AP3S1: variants seen among roughly 807,000 people sequenced by gnomAD.
AP3S1 encodes the protein AP-3 complex subunit sigma-1.
A neutral mutation model predicts 21.3 loss-of-function variants in AP3S1; 12 were observed. The ratio of observed to expected loss-of-function variants is 0.56; its 90% confidence interval spans 0.36 to 0.91. The LOEUF is 0.91. Ranked by LOEUF, AP3S1 falls within the 40% of genes least tolerant of loss-of-function variation. AP3S1 has a pLI of 0.01. For synonymous variants in AP3S1, 48 were observed against 78.4 expected (o/e 0.61, Z 2.05); for missense variants, 116 against 225.0 (o/e 0.52, Z 3.10).
intron 5 of AP3S1, among the ~76,000 whole-genome samples, chr5:115,908,210 C>T (rs1279787753): frequency 6.6e-6 from 1 of 152,126 alleles, no homozygotes; most frequent in African/African-American, 2.4e-5. Flanking sequence ...ATAGAGAATA[C>T]ATAGTAGTCT....
At chr5:115,900,544 T>C (rs968812776) in intron 4 of AP3S1, among the ~76,000 whole-genome samples, 4 of 152,248 alleles carry the variant, frequency 2.6e-5, no homozygotes, top group Non-Finnish European at 5.9e-5. Flanking sequence ...TGATTCCTTT[T>C]TGTTGGCGAT....
At chr5:115,907,901 A>G (rs1751782658) in intron 5 of AP3S1, among the ~76,000 whole-genome samples, 1 of 152,164 alleles carries the variant, frequency 6.6e-6, no homozygotes, top group Admixed American at 6.5e-5. Flanking sequence ...AAGGTCTCTG[A>G]TTGAAAATTT....
At chr5:115,897,660 C>G (rs936179337) in intron 4 of AP3S1, among the ~76,000 whole-genome samples, 1 of 151,814 alleles carries the variant, frequency 6.6e-6, no homozygotes, top group Non-Finnish European at 1.5e-5. Context: ...CCCAGGTTCA[C>G]TCCATTCTCC....
intron 3 of AP3S1, among the ~76,000 whole-genome samples, chr5:115,889,079 T>C (rs913787886): frequency 2.6e-5 from 4 of 152,156 alleles, no homozygotes; most frequent in Admixed American, 2.0e-4. Flanking sequence ...CCATGTTTTT[T>C]ACCACTCCAT....
chr5:115,913,330 T>G, intron 5 of AP3S1, 32 bp from the exon 6 acceptor site: 2 of 1,582,364 alleles, frequency 1.3e-6, no homozygotes, highest in South Asian at 1.2e-5. Flanking sequence ...AGTTGTACAT[T>G]TTCTTTTTCT....
chr5:115,880,104 T>C (rs1749139736), intron 3 of AP3S1, among the ~76,000 whole-genome samples: 1 of 152,338 alleles, frequency 6.6e-6, no homozygotes, highest in Admixed American at 6.5e-5. Flanking sequence ...TTCTTCTTTA[T>C]TAGTCTGGCT....
intron 3 of AP3S1, among the ~76,000 whole-genome samples, chr5:115,889,714 C>A (rs62371477): frequency 2.0e-5 from 3 of 151,652 alleles, no homozygotes; most frequent in African/African-American, 7.3e-5. Flanking sequence ...AAATACAGAC[C>A]CTTGTAATCC....
Position 115,913,697 on chromosome 5 carries a change from C to A in AP3S1, c.*207C>A. On this transcript the variant is annotated 3_prime_UTR_variant, in exon 6 of 6. Coordinates refer to ENST00000316788, the MANE Select transcript of AP3S1 (RefSeq NM_001284.4). ...GTGATTTTAAAGAAATTGAGTAGTT[C>A]CTATGTGATTTTTTTTTTTCTTTTC... 4.3e-6 allele frequency: 4 copies of A among 937,774 alleles called. No individual in the cohort carries two copies. The highest frequency in any genetic ancestry group is 4.5e-6 in the Non-Finnish European group (3 of 659,580). 58.1% of individuals were successfully genotyped at this position (937,774 alleles called of 1,614,324 possible). A position where few individuals can be genotyped will look rare whatever the true frequency, so the allele number is the denominator to read the frequency against.
intron 5 of AP3S1, among the ~76,000 whole-genome samples, chr5:115,913,105 G>A (rs1339637778): frequency 6.6e-6 from 1 of 152,100 alleles, no homozygotes; most frequent in Non-Finnish European, 1.5e-5. Flanking sequence ...ATATTGTGTG[G>A]TAGTGCACAT....
At chr5:115,899,457 T>G (rs1253224848) in intron 4 of AP3S1, among the ~76,000 whole-genome samples, 2 of 152,116 alleles carry the variant, frequency 1.3e-5, no homozygotes, top group Non-Finnish European at 2.9e-5. Context: ...ATTTTAAAAT[T>G]TATTTATTTT....
intron 3 of AP3S1, among the ~76,000 whole-genome samples, chr5:115,878,995 G>A (rs910079124): frequency 1.5e-4 from 23 of 152,098 alleles, no homozygotes; most frequent in African/African-American, 3.1e-4. Flanking sequence ...TTGGCTCTCC[G>A]TTTGTCTATT....
intron 1 of AP3S1, among the ~76,000 whole-genome samples, chr5:115,847,222 G>A (rs548872139): frequency 7.2e-5 from 11 of 152,254 alleles, no homozygotes; most frequent in African/African-American, 2.2e-4. Flanking sequence ...GAGTGAAAAC[G>A]GGAATAAAAT....
rs1159405691 is a variant in AP3S1, at chr5:115,905,928, A to T, written c.453+2936A>T. Among the ~76,000 whole-genome samples the T allele has an allele frequency of 2.6e-5, 4 of 152,238 alleles. No individual in the cohort carries two copies. The East Asian group carries it at 7.7e-4, about 29-fold the overall frequency. ...CCAGCACTTTGGGATCACTCAGGTG[A>T]TCTGCTCACCTGAGGTCAGGAGTTT... On this transcript the variant is annotated intron_variant, in intron 5 of 5. Coordinates refer to ENST00000316788, the MANE Select transcript of AP3S1 (RefSeq NM_001284.4).
chr5:115,887,147 C>G (rs938987018), intron 3 of AP3S1, among the ~76,000 whole-genome samples: 1 of 152,122 alleles, frequency 6.6e-6, no homozygotes, highest in African/African-American at 2.4e-5. Flanking sequence ...TGTGATTTTA[C>G]GTTCAGTTTG....
At chr5:115,857,461 C>T (rs369869405) in intron 1 of AP3S1, among the ~76,000 whole-genome samples, 2 of 152,172 alleles carry the variant, frequency 1.3e-5, no homozygotes, top group African/African-American at 4.8e-5. Context: ...ACAGAGTTAA[C>T]AAAGAGTACA....
intron 1 of AP3S1, among the ~76,000 whole-genome samples, chr5:115,848,187 C>A (rs1762194877): frequency 7.1e-6 from 1 of 140,120 alleles, no homozygotes; most frequent in African/African-American, 3.0e-5. Context: ...AAGTAAGTTT[C>A]TTTTTTTGTG....
chr5:115,861,011 A>C (rs1485582902), intron 1 of AP3S1, among the ~76,000 whole-genome samples: 3 of 152,204 alleles, frequency 2.0e-5, no homozygotes, highest in Non-Finnish European at 4.4e-5. Flanking sequence ...GCTACTCTAC[A>C]TCAGCCACTT....
chr5:115,901,475 AATTT>A (rs1751207187), intron 4 of AP3S1, among the ~76,000 whole-genome samples: 1 of 150,344 alleles, frequency 6.7e-6, no homozygotes, highest in South Asian at 2.1e-4. Context: ...TAGGAAGATT[AATTT>A]ATATAAATTT....
intron 2 of AP3S1, among the ~76,000 whole-genome samples, 158 bp from the exon 3 acceptor site, chr5:115,869,859 A>C (rs1010730831): frequency 6.6e-6 from 1 of 152,210 alleles, no homozygotes; most frequent in African/African-American, 2.4e-5. Context: ...AGCCACCTTA[A>C]TTCACCTAGT....
Sources: allele counts gnomAD v4.1 joint callset (sites outside exome capture counted in the v4.1 genomes callset), GRCh38; gene constraint gnomAD v4.1.1; transcripts MANE v1.5; gene names NCBI Gene and HGNC (gene_info 2026-07-23, HGNC 2026-07-21).